Variants in NGEF observed in about 807,000 individuals in gnomAD.
NGEF encodes the protein ephexin-1.
Under a neutral mutation model 80.9 loss-of-function variants are expected in NGEF, and 31 were observed. That is an observed-to-expected ratio of 0.38 (90% CI 0.29 to 0.52). The LOEUF (loss-of-function observed/expected upper bound fraction) is 0.52. Among genes scored for constraint, NGEF ranks in the 20% least tolerant of loss-of-function variants. The pLI is 0.84. For missense variants in NGEF, 709 were observed against 926.2 expected (o/e 0.77, Z 3.04); for synonymous variants, 371 against 370.2 (o/e 1.00, Z -0.03).
intron 3 of NGEF, among the ~76,000 whole-genome samples, chr2:232,932,710 C>A (rs932042140): frequency 1.3e-5 from 2 of 152,006 alleles, no homozygotes; most frequent in Middle Eastern, 3.2e-3. Flanking sequence ...CCAGCCTGGG[C>A]TGGTTCTGTG....
chr2:232,937,584 T>C (rs541327645), intron 3 of NGEF, among the ~76,000 whole-genome samples: 3 of 152,298 alleles, frequency 2.0e-5, no homozygotes, highest in African/African-American at 7.2e-5. Context: ...ACCTGAGCTT[T>C]TTGGGGGCAA....
At chr2:232,923,615 A>C (rs1476890594) in intron 4 of NGEF, among the ~76,000 whole-genome samples, 3 of 152,100 alleles carry the variant, frequency 2.0e-5, no homozygotes, top group Admixed American at 2.0e-4. Flanking sequence ...GGTGCCTGTA[A>C]TCCCAGCTAC....
chr2:232,943,333 A>G (rs960641495), intron 3 of NGEF, among the ~76,000 whole-genome samples: 1 of 152,166 alleles, frequency 6.6e-6, no homozygotes, highest in Non-Finnish European at 1.5e-5. Flanking sequence ...CCGTCTCCAC[A>G]GGCGTGAGTC....
chr2:232,944,726 A>T (rs1693514716), intron 3 of NGEF, among the ~76,000 whole-genome samples: 1 of 108,722 alleles, frequency 9.2e-6, no homozygotes, highest in South Asian at 3.2e-4. Flanking sequence ...GACTTTTCCG[A>T]ATATATATAT....
chr2:233,001,142 T>C (rs1035226115), intron 1 of NGEF, among the ~76,000 whole-genome samples: 1 of 152,116 alleles, frequency 6.6e-6, no homozygotes, highest in African/African-American at 2.4e-5. Flanking sequence ...CCAGGAGGAA[T>C]CAACCCAGAG....
chr2:232,927,927 C>A, intron 3 of NGEF: 1 of 1,336,282 alleles, frequency 7.5e-7, no homozygotes, highest in Non-Finnish European at 9.6e-7. Context: ...GAGTCGCGCG[C>A]GTCGCTTTCC....
chr2:232,954,009 A>G (rs1200197332), intron 3 of NGEF, among the ~76,000 whole-genome samples: 3 of 152,230 alleles, frequency 2.0e-5, no homozygotes, highest in Non-Finnish European at 4.4e-5. Flanking sequence ...TTTTTGTTTT[A>G]GAGCCACTAA....
intron 1 of NGEF, among the ~76,000 whole-genome samples, chr2:233,002,919 C>G (rs543190612): frequency 6.6e-6 from 1 of 152,160 alleles, no homozygotes. Flanking sequence ...TGTGACAAGC[C>G]CCCTGGGGGA....
chr2:232,977,538 C>A (rs889753379), intron 1 of NGEF, among the ~76,000 whole-genome samples: 20 of 152,252 alleles, frequency 1.3e-4, no homozygotes, highest in African/African-American at 4.8e-4. Flanking sequence ...TCCCCGGCCC[C>A]TGTGCCTACC....
Position 232,970,221 on chromosome 2 carries a change from C to T in NGEF, c.376G>A (p.Glu126Lys), listed in dbSNP as rs1328957939. The T allele has an allele frequency of 1.3e-6, 2 of 1,575,986 alleles. No individual in the cohort carries two copies. The highest frequency in any genetic ancestry group is 1.7e-6 in the Non-Finnish European group (2 of 1,164,430). Residue 126 changes from glutamate (E) to lysine (K), a missense_variant, in exon 3 of 15, where the codon GAA becomes AAA. Glu to Lys is a moderately conservative substitution (Grantham distance 56, BLOSUM62 1). Transcript: ENST00000264051. ...TAMQTDPGAQ[E>K]MSESSSTPGN... ...TGATCTGCCATCTCTTACCTCATTT[C>T]CTGGGCTCCTGGGTCTGTCTGCATT...
At chr2:233,007,607 G>A (rs75064495) in intron 1 of NGEF, among the ~76,000 whole-genome samples, 2 of 152,128 alleles carry the variant, frequency 1.3e-5, no homozygotes, top group African/African-American at 4.8e-5. Flanking sequence ...CTTAATTTTG[G>A]CATTTTCTGT....
At chr2:232,994,296 G>A (rs1372323201) in intron 1 of NGEF, among the ~76,000 whole-genome samples, 1 of 151,458 alleles carries the variant, frequency 6.6e-6, no homozygotes, top group African/African-American at 2.4e-5. Flanking sequence ...CTTGAACCCG[G>A]GAGGCGGAGG....
chr2:232,961,687 G>A (rs906881393), intron 3 of NGEF, among the ~76,000 whole-genome samples: 3 of 151,912 alleles, frequency 2.0e-5, no homozygotes, highest in Non-Finnish European at 2.9e-5. Context: ...TAGTAAAGAC[G>A]GGGTTTCACC....
At chr2:232,982,713 C>T (rs1694458879) in intron 1 of NGEF, among the ~76,000 whole-genome samples, 1 of 152,212 alleles carries the variant, frequency 6.6e-6, no homozygotes, top group Admixed American at 6.5e-5. Flanking sequence ...AGTGTTTCAC[C>T]ATGTTAGTCA....
chr2:233,009,541 C>A (rs1475695261), intron 1 of NGEF, among the ~76,000 whole-genome samples: 2 of 151,794 alleles, frequency 1.3e-5, no homozygotes, highest in Admixed American at 1.3e-4. Flanking sequence ...GCTCACTCTT[C>A]TAATCCCAGC....
In NGEF at chr2:232,974,673, C is replaced by T. The variant is rs1247943513; in HGVS notation, c.218G>A (p.Ser73Asn). The change falls in exon 2 of 15, where the codon AGC becomes AAC. Residue 73 changes from serine to asparagine, a missense_variant. Around this residue, in one of 2 missense-constraint regions of NGEF, gnomAD observed 283 missense variants for 303.4 expected, o/e 0.93. Transcript: ENST00000264051. The part of the protein sequence containing the change: ...SIFNRSIRRK[S>N]KAKARDNPER... ...GGGGTTGTCTCTGGCCTTGGCTTTG[C>T]TTTTGCGTCTTATGGAGCGATTGAA... The T allele has an allele frequency of 1.9e-6, 3 of 1,614,112 alleles. No homozygotes were observed. The African/African-American group carries it at 4.0e-5, about 22-fold the overall frequency.
chr2:232,897,597 C>G (rs1428027327), intron 5 of NGEF, among the ~76,000 whole-genome samples: 1 of 152,184 alleles, frequency 6.6e-6, no homozygotes, highest in African/African-American at 2.4e-5. Flanking sequence ...AGGGACGAAT[C>G]TGGAAGCTGG....
chr2:232,920,778 T>C (rs1404421942), intron 4 of NGEF, among the ~76,000 whole-genome samples, 193 bp from the exon 5 acceptor site: 1 of 152,164 alleles, frequency 6.6e-6, no homozygotes, highest in Non-Finnish European at 1.5e-5. Context: ...TCCTCATTTC[T>C]TGGGAAAGAC....
rs1691644527 is a variant in NGEF, at chr2:232,885,369, C to T, written c.1348G>A (p.Val450Met). The change falls in exon 10 of 15, where the codon GTG becomes ATG. Residue 450 changes from valine (V) to methionine (M), a missense_variant and splice_region_variant. Val to Met is a conservative substitution (Grantham distance 21, BLOSUM62 1). Around this residue, in one of 2 missense-constraint regions of NGEF, gnomAD observed 426 missense variants for 622.9 expected, o/e 0.68. Coordinates refer to ENST00000264051, the MANE Select transcript of NGEF (RefSeq NM_019850.3). Reference sequence around the variant, plus strand: ...ACGCCCTCGTTGCATGCCTTCACCACCTGGGACAAGAAGGAGGGCACATCA... The same window carrying T: ...ACGCCCTCGTTGCATGCCTTCACCATCTGGGACAAGAAGGAGGGCACATCA... ...ALDAHKELEM[V>M]VKACNEGVRK... 3.1e-6 allele frequency: 5 copies of T among 1,613,918 alleles called. No individual in the cohort carries two copies. The highest frequency in any genetic ancestry group is 4.2e-6 in the Non-Finnish European group (5 of 1,179,854).
Sources: allele counts gnomAD v4.1 joint callset (sites outside exome capture counted in the v4.1 genomes callset), GRCh38; gene constraint gnomAD v4.1.1; regional missense constraint gnomAD v4.1.1; transcripts MANE v1.5; gene names NCBI Gene and HGNC (gene_info 2026-07-23, HGNC 2026-07-21).